The following SPTBN4 variants were observed in gnomAD, a reference collection of about 807,000 sequenced individuals.
SPTBN4 encodes spectrin beta, non-erythrocytic 4.
Under a neutral mutation model 277.8 loss-of-function variants are expected in SPTBN4, and 96 were observed. The ratio of observed to expected loss-of-function variants is 0.35; its 90% CI spans 0.29 to 0.41. The LOEUF is 0.41. Ranked by LOEUF, SPTBN4 falls within the 10% of genes least tolerant of loss-of-function variation. The pLI, the probability that SPTBN4 is intolerant of heterozygous loss-of-function variation, is 1.00. For missense variants in SPTBN4, 3,006 were observed against 3,595.7 expected (o/e 0.84, Z 4.19); for synonymous variants, 1,481 against 1,580.3 (o/e 0.94, Z 1.49).
chr19:40,526,617 C>T (rs895168865), intron 17 of SPTBN4, among the ~76,000 whole-genome samples: 2 of 152,126 alleles, frequency 1.3e-5, no homozygotes, highest in African/African-American at 4.8e-5. Flanking sequence ...CAGGGTCTTG[C>T]TTTGTTGCCC....
chr19:40,561,155 A>G (rs540193004), intron 27 of SPTBN4, among the ~76,000 whole-genome samples: 23 of 152,230 alleles, frequency 1.5e-4, no homozygotes, highest in Non-Finnish European at 7.4e-5. Flanking sequence ...CTGGGACTAC[A>G]GGCGCCCACC....
At chr19:40,485,694 C>T (rs2080063506) in intron 2 of SPTBN4, among the ~76,000 whole-genome samples, 1 of 151,372 alleles carries the variant, frequency 6.6e-6, no homozygotes, top group East Asian at 1.9e-4. Flanking sequence ...TGCCTGTAAC[C>T]CCAGATACTC....
At chr19:40,482,179 G>A (rs1466098380) in intron 2 of SPTBN4, among the ~76,000 whole-genome samples, 1 of 151,092 alleles carries the variant, frequency 6.6e-6, no homozygotes, top group Non-Finnish European at 1.5e-5. Context: ...TCAGGTGATC[G>A]ACCCACCTCT....
Position 40,515,942 on chromosome 19 carries a change from CGT to C in SPTBN4, c.2903+495_2903+496del, listed in dbSNP as rs1568798392. Among the ~76,000 whole-genome samples, 12 of 120,142 alleles carry C rather than the reference CGT, an allele frequency of 1.0e-4. No individual in the cohort carries two copies. The highest frequency in any genetic ancestry group is 1.4e-4 in the African/African-American group (4 of 28,984). 78.8% of individuals were successfully genotyped at this position (120,142 alleles called of 152,430 possible). ...ACACATATATATACACACATATATA[CGT>C]ATATATACACATATATACGTATATA... On this transcript the variant is annotated intron_variant, in intron 15 of 35. Transcript: ENST00000598249. This position sits in a 1 kb window ranked among gnomAD's most constrained non-coding sequence, Gnocchi z 4.1.
chr19:40,570,463 C>T lies in SPTBN4; in HGVS notation c.7054C>T (p.Pro2352Ser), dbSNP rs1440605538. 3.8e-6 allele frequency: 6 copies of T among 1,566,416 alleles called. No individual in the cohort carries two copies. Among genetic ancestry groups the T allele is most frequent in the Non-Finnish European group, 3.4e-6 (4 of 1,165,256 alleles). The change falls in exon 33 of 36, where the codon CCC becomes TCC. Residue 2352 changes from proline (P) to serine (S), a missense_variant. By Grantham distance (74) the Pro-to-Ser change is moderately conservative. Around this residue, in one of 5 missense-constraint regions of SPTBN4, gnomAD observed 630 missense variants for 677.6 expected, o/e 0.93. Coordinates refer to ENST00000598249, the MANE Select transcript of SPTBN4 (RefSeq NM_020971.3). ...GPSLPQPREL[P>S]PGRLPNGLEL... ...GTCGCTGCCTCAGCCACGCGAGCTT[C>T]CCCCAGGTCGCCTGCCCAACGGGCT... is the stretch of plus-strand genomic sequence containing the variant.
intron 2 of SPTBN4, 98 bp from the exon 3 acceptor site, chr19:40,487,599 T>G: frequency 6.9e-7 from 1 of 1,446,712 alleles, no homozygotes; most frequent in Non-Finnish European, 9.2e-7. Flanking sequence ...CCTGTGAGGC[T>G]GGACTCTTGC....
intron 20 of SPTBN4, among the ~76,000 whole-genome samples, chr19:40,548,639 C>T (rs964114287): frequency 1.3e-5 from 2 of 151,168 alleles, no homozygotes; most frequent in Non-Finnish European, 2.9e-5. Flanking sequence ...CACTTGAAGC[C>T]AGGAGGTGAA....
At chr19:40,506,804 A>G (rs1445805387) in intron 13 of SPTBN4, among the ~76,000 whole-genome samples, 2 of 151,950 alleles carry the variant, frequency 1.3e-5, no homozygotes, top group African/African-American at 4.8e-5. Context: ...ATAGAAAGAC[A>G]TCATCTGTAC....
intron 18 of SPTBN4, among the ~76,000 whole-genome samples, chr19:40,531,244 A>T (rs928283504): frequency 8.0e-5 from 12 of 150,520 alleles, no homozygotes; most frequent in Non-Finnish European, 1.8e-4. Flanking sequence ...TTGCCGTTGG[A>T]CTCTTCCCTG....
intron 20 of SPTBN4, among the ~76,000 whole-genome samples, chr19:40,539,741 A>C (rs1022305707): frequency 4.0e-5 from 6 of 151,750 alleles, no homozygotes; most frequent in African/African-American, 1.5e-4. Context: ...CCGCCTCCCA[A>C]AGTGCTGGGA....
In SPTBN4 at chr19:40,473,354, G is replaced by GTTTTGT. The variant is rs1408901657; in HGVS notation, c.169+568_169+569insGTTTTT. Among the ~76,000 whole-genome samples the GTTTTGT allele has an allele frequency of 4.7e-3, 462 of 99,104 alleles. 2 individuals are homozygous for GTTTTGT. The highest frequency in any genetic ancestry group is 0.017 in the African/African-American group (426 of 24,410). The allele number at this position is 99,104 out of a possible 152,430, so 65.0% of individuals were successfully genotyped here. A position where few individuals can be genotyped will look rare whatever the true frequency, so the allele number is the denominator to read the frequency against. ...CATGAGCCACTGCACCTGGCCTGGT[G>GTTTTGT]TTTTTTTTTTTTTTTTTTTTGAGAC... On this transcript the variant is annotated intron_variant, in intron 2 of 35. Coordinates refer to ENST00000598249, the MANE Select transcript of SPTBN4 (RefSeq NM_020971.3).
chr19:40,572,511 A>G, intron 35 of SPTBN4, 131 bp downstream of exon 35: 8 of 1,207,196 alleles, frequency 6.6e-6, no homozygotes, highest in Non-Finnish European at 9.7e-6. Flanking sequence ...GTAATGGGAA[A>G]GCCCACAGGC....
intron 20 of SPTBN4, among the ~76,000 whole-genome samples, chr19:40,542,639 A>G (rs2080814438): frequency 6.6e-6 from 1 of 150,772 alleles, no homozygotes; most frequent in African/African-American, 2.4e-5. Flanking sequence ...TCTCTGGCCA[A>G]GGAAACACCC....
Position 40,550,251 on chromosome 19 carries a change from A to AGCG in SPTBN4, c.4601_4603dup (p.Arg1534dup). On this transcript the variant is annotated inframe_insertion, in exon 22 of 36. Transcript: ENST00000598249. Reference sequence around the variant, plus strand: ...TGTCCTCTCCAGGCATGGGTTCAGGAGCGGCTGCCACTGGCCATGCAGACA... The same window carrying AGCG: ...TGTCCTCTCCAGGCATGGGTTCAGGAGCGGCGGCTGCCACTGGCCATGCAGACA... 2 of 1,613,322 alleles carry AGCG rather than the reference A, an allele frequency of 1.2e-6. No homozygotes were observed. Among genetic ancestry groups the AGCG allele is most frequent in the Non-Finnish European group, 1.7e-6 (2 of 1,179,956 alleles).
Position 40,502,944 on chromosome 19 carries a change from T to A in SPTBN4, c.1362+11T>A, listed in dbSNP as rs774474846. ...CGTCTGGTCTCCCAGGTACAAGGTG[T>A]AGGGCTTGGCTCCAGGGTAAAGGGA... On this transcript the variant is annotated intron_variant, in intron 11 of 35. Coordinates refer to ENST00000598249, the MANE Select transcript of SPTBN4 (RefSeq NM_020971.3). This position sits in a 1 kb window ranked among gnomAD's most constrained non-coding sequence, Gnocchi z 4.9. 4.3e-6 allele frequency: 7 copies of A among 1,612,748 alleles called. No homozygotes were observed. In the South Asian group the frequency reaches 7.7e-5, roughly 18 times the overall value.
intron 15 of SPTBN4, among the ~76,000 whole-genome samples, chr19:40,518,896 G>A (rs959894251): frequency 6.6e-6 from 1 of 152,108 alleles, no homozygotes. Context: ...AACATAGTGA[G>A]ATCTCACGTC....
chr19:40,566,195 G>T lies in SPTBN4; in HGVS notation c.6172G>T (p.Val2058Leu), dbSNP rs930102534. Reference sequence around the variant, plus strand: ...GGTGCACCAGTTTGCCCAGGAGGCGGTGGTGGCTGATGCCTGGCTGACAGC... The same window carrying T: ...GGTGCACCAGTTTGCCCAGGAGGCGTTGGTGGCTGATGCCTGGCTGACAGC... ...LEVHQFAQEA[V>L]VADAWLTAQE... Residue 2058 changes from valine to leucine, a missense_variant, in exon 30 of 36, where the codon GTG (valine) becomes TTG (leucine). Around this residue, in one of 5 missense-constraint regions of SPTBN4, gnomAD observed 425 missense variants for 594.7 expected, o/e 0.71. Coordinates refer to ENST00000598249, the MANE Select transcript of SPTBN4 (RefSeq NM_020971.3). The T allele has an allele frequency of 2.6e-6, 4 of 1,542,836 alleles. No homozygotes were observed. The highest frequency in any genetic ancestry group is 1.4e-5 in the African/African-American group (1 of 73,010).
At chr19:40,505,118 C>T (rs1047065402) in intron 12 of SPTBN4, among the ~76,000 whole-genome samples, 25 of 151,048 alleles carry the variant, frequency 1.7e-4, no homozygotes, top group Non-Finnish European at 3.5e-4. Flanking sequence ...GGCATGGTGG[C>T]TCTCACCTGC....
Position 40,493,138 on chromosome 19 carries a change from G to T in SPTBN4, c.587+84G>T. The T allele has an allele frequency of 2.3e-6, 3 of 1,330,640 alleles. No individual in the cohort carries two copies. In the African/African-American group the frequency reaches 4.3e-5, roughly 19 times the overall value. 82.4% of individuals were successfully genotyped at this position (1,330,640 alleles called of 1,614,324 possible). A position where few individuals can be genotyped will look rare whatever the true frequency, so the allele number is the denominator to read the frequency against. ...ATTCCTTCCCAGACAAGAGCTCAAG[G>T]GGCAGCCCATGTCCTCAGGGTCAAA... On this transcript the variant is annotated intron_variant, in intron 5 of 35. Coordinates refer to ENST00000598249, the MANE Select transcript of SPTBN4 (RefSeq NM_020971.3).
Sources: allele counts gnomAD v4.1 joint callset (sites outside exome capture counted in the v4.1 genomes callset), GRCh38; gene constraint gnomAD v4.1.1; regional missense constraint gnomAD v4.1.1; non-coding constraint Gnocchi (gnomAD v3.1); transcripts MANE v1.5; gene names NCBI Gene and HGNC (gene_info 2026-07-23, HGNC 2026-07-21).